ZNF148: variants seen among roughly 807,000 people sequenced by gnomAD.
ZNF148 encodes the protein zinc finger protein 148.
Under a neutral mutation model 67.7 loss-of-function variants are expected in ZNF148, and 7 were observed. That is an observed-to-expected ratio of 0.10 (90% CI 0.06 to 0.19). The LOEUF (loss-of-function observed/expected upper bound fraction) is 0.19, where lower values mean the gene tolerates loss of function less well. Among genes scored for constraint, ZNF148 ranks in the 10% least tolerant of loss-of-function variants. The pLI, the probability that ZNF148 is intolerant of heterozygous loss-of-function variation, is 1.00. For synonymous variants in ZNF148, 333 were observed against 330.7 expected (o/e 1.01, Z -0.08); for missense variants, 583 against 947.1 (o/e 0.62, Z 5.05).
chr3:125,308,677 G>A (rs1174522776), intron 4 of ZNF148, among the ~76,000 whole-genome samples: 1 of 152,032 alleles, frequency 6.6e-6, no homozygotes, highest in African/African-American at 2.4e-5. Context: ...AAAAGATACA[G>A]CAATCAAAAC....
At chr3:125,251,334 C>G (rs1936832088) in intron 7 of ZNF148, among the ~76,000 whole-genome samples, 1 of 152,160 alleles carries the variant, frequency 6.6e-6, no homozygotes, top group Non-Finnish European at 1.5e-5. Context: ...AGAAAGTACA[C>G]AGAAGGTACC....
At chr3:125,262,614 A>G (rs1937394805) in intron 7 of ZNF148, among the ~76,000 whole-genome samples, 2 of 152,264 alleles carry the variant, frequency 1.3e-5, no homozygotes, top group Non-Finnish European at 2.9e-5. Flanking sequence ...CTTCAGCAGA[A>G]GCTAATTTCT....
chr3:125,276,926 CAG>C (rs1938108700), intron 7 of ZNF148, among the ~76,000 whole-genome samples: 1 of 152,122 alleles, frequency 6.6e-6, no homozygotes, highest in Non-Finnish European at 1.5e-5. Flanking sequence ...GTACTTAAAA[CAG>C]AAAAATATGA....
chr3:125,278,254 C>G (rs1229043057), intron 6 of ZNF148, among the ~76,000 whole-genome samples: 1 of 152,046 alleles, frequency 6.6e-6, no homozygotes, highest in East Asian at 1.9e-4. Context: ...TCTAAACATC[C>G]CTTTTTTAAA....
intron 4 of ZNF148, among the ~76,000 whole-genome samples, chr3:125,306,130 T>C (rs186899174): frequency 7.7e-4 from 117 of 152,256 alleles, no homozygotes; most frequent in Admixed American, 1.5e-3. Flanking sequence ...TATCTTTAAT[T>C]GAATTAAAAT....
At chr3:125,354,625 C>G (rs2107766330) in intron 1 of ZNF148, among the ~76,000 whole-genome samples, 1 of 152,328 alleles carries the variant, frequency 6.6e-6, no homozygotes, top group South Asian at 2.1e-4. Context: ...TTTAGTGATC[C>G]TCACACAACA....
At chr3:125,245,939 T>A (rs1015462901) in intron 7 of ZNF148, among the ~76,000 whole-genome samples, 4 of 152,220 alleles carry the variant, frequency 2.6e-5, no homozygotes, top group Non-Finnish European at 5.9e-5. Flanking sequence ...GGCCCCTACC[T>A]TTCTTGTGTC....
At chr3:125,282,778 C>T (rs538654101) in intron 5 of ZNF148, among the ~76,000 whole-genome samples, 2 of 152,126 alleles carry the variant, frequency 1.3e-5, no homozygotes, top group East Asian at 3.9e-4. Context: ...TCAGGCAAAG[C>T]CCTAAGGTCT....
At chr3:125,341,298 A>T (rs1053142977) in intron 1 of ZNF148, among the ~76,000 whole-genome samples, 1 of 150,178 alleles carries the variant, frequency 6.7e-6, no homozygotes, top group African/African-American at 2.5e-5. Context: ...GTCTTCAGAT[A>T]CCTACTACAG....
In ZNF148 at chr3:125,282,646, C is replaced by A. The variant is rs1002043559; in HGVS notation, c.460-3399G>T. 3.9e-5 allele frequency among the ~76,000 whole-genome samples: 6 copies of A among 152,180 alleles called. No individual in the cohort carries two copies. In the East Asian group the frequency reaches 5.8e-4, roughly 15 times the overall value. ...TATCAAATGGAATTTCTCAGTTAAT[C>A]TGCTTTCTTAATCTCATATCCATTA... On this transcript the variant is annotated intron_variant, in intron 5 of 8. Transcript: ENST00000360647.
chr3:125,259,433 T>C (rs1344472513), intron 7 of ZNF148, among the ~76,000 whole-genome samples: 3 of 152,116 alleles, frequency 2.0e-5, no homozygotes, highest in Non-Finnish European at 4.4e-5. Flanking sequence ...CTTTGGAAAA[T>C]GCTATGGTGA....
intron 4 of ZNF148, among the ~76,000 whole-genome samples, chr3:125,304,474 G>A (rs1939767249): frequency 2.0e-5 from 3 of 152,078 alleles, no homozygotes; most frequent in South Asian, 2.1e-4. Flanking sequence ...GAGGAGAAAG[G>A]TATCCACGCA....
At chr3:125,335,140 C>T (rs1039145746) in intron 1 of ZNF148, among the ~76,000 whole-genome samples, 1 of 152,130 alleles carries the variant, frequency 6.6e-6, no homozygotes, top group African/African-American at 2.4e-5. Context: ...ACACAACCAA[C>T]TTATTCATGT....
chr3:125,255,443 C>T (rs930655693), intron 7 of ZNF148, among the ~76,000 whole-genome samples: 1 of 151,802 alleles, frequency 6.6e-6, no homozygotes, highest in Non-Finnish European at 1.5e-5. Flanking sequence ...GACGGGGTTT[C>T]CCCATGTTGG....
intron 7 of ZNF148, among the ~76,000 whole-genome samples, chr3:125,253,804 A>C (rs1936953924): frequency 6.6e-6 from 1 of 152,176 alleles, no homozygotes; most frequent in African/African-American, 2.4e-5. Context: ...ATACTGCTGG[A>C]TCTGACAGTT....
chr3:125,287,860 A>G (rs1296418965), intron 5 of ZNF148, among the ~76,000 whole-genome samples: 1 of 152,206 alleles, frequency 6.6e-6, no homozygotes, highest in Non-Finnish European at 1.5e-5. Flanking sequence ...AGGGCAATGC[A>G]TGCCATCCGA....
At chr3:125,251,976 A>G (rs778605630) in intron 7 of ZNF148, among the ~76,000 whole-genome samples, 6 of 152,166 alleles carry the variant, frequency 3.9e-5, no homozygotes, top group Non-Finnish European at 7.3e-5. Flanking sequence ...CATTTTGGCC[A>G]TTCCAGGGTA....
chr3:125,354,954 T>G (rs1942288299), intron 1 of ZNF148, among the ~76,000 whole-genome samples: 1 of 152,148 alleles, frequency 6.6e-6, no homozygotes, highest in African/African-American at 2.4e-5. Context: ...CAAGCAAAAG[T>G]GATGCCACAC....
At chr3:125,306,544 C>T (rs1387577218) in intron 4 of ZNF148, among the ~76,000 whole-genome samples, 2 of 151,990 alleles carry the variant, frequency 1.3e-5, no homozygotes, top group African/African-American at 4.8e-5. Context: ...AAAACTTATT[C>T]AAGAAAAAAT....
Sources: gnomAD v4.1 joint callset for allele counts (sites outside exome capture counted in the v4.1 genomes callset) on GRCh38, gnomAD v4.1.1 for gene constraint, MANE v1.5 for transcripts, NCBI Gene and HGNC (gene_info 2026-07-23, HGNC 2026-07-21) for gene names.